The following AGBL4 variants were observed in gnomAD, a reference collection of about 807,000 sequenced individuals.
The protein encoded by AGBL4 is cytosolic carboxypeptidase 6.
Under a neutral mutation model 66.4 loss-of-function variants are expected in AGBL4, and 58 were observed. That is an observed-to-expected ratio of 0.87 (90% CI 0.71 to 1.09). AGBL4 has a LOEUF of 1.09. AGBL4 is among the 50% of genes least tolerant of loss of function. AGBL4 has a pLI of 0.00. For missense variants in AGBL4, 579 were observed against 631.0 expected (o/e 0.92, Z 0.88); for synonymous variants, 234 against 222.9 (o/e 1.05, Z -0.44).
intron 4 of AGBL4, among the ~76,000 whole-genome samples, chr1:49,125,614 ATAT>A (rs1381445503): frequency 1.3e-5 from 2 of 152,194 alleles, no homozygotes; most frequent in Admixed American, 6.5e-5. Context: ...AACTAATAAA[ATAT>A]TATAGAAAAT....
intron 9 of AGBL4, among the ~76,000 whole-genome samples, chr1:48,626,660 C>T (rs1034514510): frequency 6.6e-6 from 1 of 152,206 alleles, no homozygotes; most frequent in African/African-American, 2.4e-5. Context: ...AAGAGACTCA[C>T]CTATGAGCAC....
intron 2 of AGBL4, among the ~76,000 whole-genome samples, chr1:49,827,274 A>C (rs1557486266): frequency 6.6e-6 from 1 of 150,688 alleles, no homozygotes; most frequent in Non-Finnish European, 1.5e-5. Flanking sequence ...GAGTAATAAT[A>C]AAAAAATCAG....
At chr1:49,371,395 G>A (rs1482765194) in intron 3 of AGBL4, among the ~76,000 whole-genome samples, 1 of 152,066 alleles carries the variant, frequency 6.6e-6, no homozygotes, top group Non-Finnish European at 1.5e-5. Flanking sequence ...GAGGTAGTAT[G>A]CTTGTTGTTT....
chr1:48,827,889 T>C (rs1266727815), intron 6 of AGBL4, among the ~76,000 whole-genome samples: 1 of 151,898 alleles, frequency 6.6e-6, no homozygotes, highest in Non-Finnish European at 1.5e-5. Context: ...GAGCGGCGGC[T>C]CATGCCTGTA....
chr1:49,237,515 TATATATATA>T lies in AGBL4; in HGVS notation c.377+8246_377+8254del, dbSNP rs1650864254. Among the ~76,000 whole-genome samples the T allele has an allele frequency of 6.2e-4, 85 of 136,648 alleles. 5 individuals carry two copies. The highest frequency in any genetic ancestry group is 2.4e-3 in the African/African-American group (79 of 33,050). The allele number at this position is 136,648 out of a possible 152,430, so 89.6% of individuals were successfully genotyped here. ...CCTTTTTTTCCTCAATATTACATTA[TATATATATA>T]TATATATATATATATATATATATAT... On this transcript the variant is annotated intron_variant, in intron 4 of 13. Coordinates refer to ENST00000371839, the MANE Select transcript of AGBL4 (RefSeq NM_032785.4).
At chr1:49,171,500 C>G (rs1646737968) in intron 4 of AGBL4, among the ~76,000 whole-genome samples, 1 of 151,324 alleles carries the variant, frequency 6.6e-6, no homozygotes, top group Non-Finnish European at 1.5e-5. Flanking sequence ...TTTTTTTTTC[C>G]TGCAAGGATA....
At chr1:49,983,228 G>C (rs564415497) in intron 1 of AGBL4, among the ~76,000 whole-genome samples, 1 of 152,250 alleles carries the variant, frequency 6.6e-6, no homozygotes. Context: ...CCCAGACTTA[G>C]GAGCTCTCCA....
chr1:48,624,535 C>T (rs1645467597), intron 9 of AGBL4, among the ~76,000 whole-genome samples: 1 of 152,218 alleles, frequency 6.6e-6, no homozygotes, highest in South Asian at 2.1e-4. Context: ...GGGGTTTACC[C>T]AGCTCTGTGG....
intron 4 of AGBL4, among the ~76,000 whole-genome samples, chr1:49,133,998 A>G (rs1209203216): frequency 1.3e-5 from 2 of 151,980 alleles, no homozygotes; most frequent in Non-Finnish European, 2.9e-5. Flanking sequence ...TATTTTCCCT[A>G]AGTGTCAGCC....
intron 6 of AGBL4, among the ~76,000 whole-genome samples, chr1:48,722,297 A>G (rs1029640096): frequency 3.9e-5 from 6 of 152,198 alleles, no homozygotes; most frequent in African/African-American, 1.4e-4. Context: ...TAAGAAATAT[A>G]CTTGAAAATT....
At chr1:48,993,354 C>A (rs371013625) in intron 5 of AGBL4, among the ~76,000 whole-genome samples, 1 of 152,172 alleles carries the variant, frequency 6.6e-6, no homozygotes. Context: ...GAGGTGGTAT[C>A]CAAGTTGCAA....
intron 4 of AGBL4, among the ~76,000 whole-genome samples, chr1:49,110,600 C>T (rs1025665372): frequency 6.6e-6 from 1 of 152,004 alleles, no homozygotes; most frequent in Non-Finnish European, 1.5e-5. Context: ...TTTGCATGTC[C>T]CCTGGATCCC....
chr1:48,641,901 T>A (rs577765526), intron 8 of AGBL4, among the ~76,000 whole-genome samples: 30 of 152,082 alleles, frequency 2.0e-4, no homozygotes, highest in Non-Finnish European at 4.1e-4. Context: ...GTAGATGCAA[T>A]ATCTTTATTT....
chr1:49,987,720 T>C (rs1385894884), intron 1 of AGBL4, among the ~76,000 whole-genome samples: 1 of 152,040 alleles, frequency 6.6e-6, no homozygotes, highest in Non-Finnish European at 1.5e-5. Flanking sequence ...AAAGTTGTTA[T>C]ATTATTTGTG....
intron 1 of AGBL4, among the ~76,000 whole-genome samples, chr1:49,879,879 T>C (rs1450161069): frequency 9.2e-5 from 11 of 119,296 alleles, no homozygotes; most frequent in Non-Finnish European, 1.7e-4. Context: ...CTTTTTTCTC[T>C]AAACTTCCCT....
chr1:48,855,465 A>T (rs1647126283), intron 6 of AGBL4, among the ~76,000 whole-genome samples: 1 of 152,204 alleles, frequency 6.6e-6, no homozygotes, highest in African/African-American at 2.4e-5. Flanking sequence ...TAATCGTCCG[A>T]GTAACACCAA....
At chr1:49,342,018 G>GT (rs1453295564) in intron 3 of AGBL4, among the ~76,000 whole-genome samples, 4 of 152,174 alleles carry the variant, frequency 2.6e-5, no homozygotes, top group African/African-American at 9.7e-5. Flanking sequence ...TACCTGAATA[G>GT]TTATCTGTGC....
chr1:48,668,060 T>G (rs898484949), intron 6 of AGBL4, among the ~76,000 whole-genome samples: 2 of 152,162 alleles, frequency 1.3e-5, no homozygotes, highest in Non-Finnish European at 2.9e-5. Context: ...TTTTATTTCC[T>G]TGACTTGATT....
chr1:49,737,754 A>G (rs1029501245), intron 2 of AGBL4, among the ~76,000 whole-genome samples: 3 of 152,250 alleles, frequency 2.0e-5, no homozygotes. Context: ...CAGTAGGATG[A>G]CATATTCAGA....
Sources: gnomAD v4.1 joint callset for allele counts (sites outside exome capture counted in the v4.1 genomes callset) on GRCh38, gnomAD v4.1.1 for gene constraint, MANE v1.5 for transcripts, NCBI Gene and HGNC (gene_info 2026-07-23, HGNC 2026-07-21) for gene names.